Variants in CACNA2D3 observed in about 807,000 individuals in gnomAD.
CACNA2D3 encodes the protein voltage-dependent calcium channel subunit alpha-2/delta-3.
In CACNA2D3, 60 loss-of-function variants were observed where a neutral mutation model predicts 160.6. That is an observed-to-expected ratio of 0.37 (90% confidence interval 0.30 to 0.46). CACNA2D3 has a LOEUF of 0.46. Among genes scored for constraint, CACNA2D3 ranks in the 20% least tolerant of loss-of-function variants. The probability of loss-of-function intolerance (pLI) is 1.00; values close to 1 mark genes in which losing one functional copy is unlikely to be tolerated. For synonymous variants in CACNA2D3, 558 were observed against 492.9 expected (o/e 1.13, Z -1.75); for missense variants, 1,205 against 1,365.0 (o/e 0.88, Z 1.85).
chr3:54,573,596 C>T (rs1702534000), intron 8 of CACNA2D3, among the ~76,000 whole-genome samples: 1 of 152,178 alleles, frequency 6.6e-6, no homozygotes, highest in Non-Finnish European at 1.5e-5. Flanking sequence ...GCGTACAGTG[C>T]ACTGAATGGA....
chr3:54,360,020 G>A (rs1035838720), intron 3 of CACNA2D3, among the ~76,000 whole-genome samples: 1 of 152,206 alleles, frequency 6.6e-6, no homozygotes, highest in Non-Finnish European at 1.5e-5. Context: ...TCATGAGGAT[G>A]CTGGGTGTGT....
chr3:54,909,440 C>T (rs943218604), intron 27 of CACNA2D3, among the ~76,000 whole-genome samples: 1 of 151,788 alleles, frequency 6.6e-6, no homozygotes, highest in Non-Finnish European at 1.5e-5. Context: ...ATATATGTGA[C>T]TCATGCTAAG....
chr3:54,245,559 T>G (rs944954976), intron 2 of CACNA2D3, among the ~76,000 whole-genome samples: 1 of 152,214 alleles, frequency 6.6e-6, no homozygotes, highest in Non-Finnish European at 1.5e-5. Context: ...GACTTGGCAC[T>G]GGCACTGAAA....
chr3:54,918,770 G>C (rs755787433), intron 27 of CACNA2D3: 1 of 1,614,152 alleles, frequency 6.2e-7, no homozygotes, highest in South Asian at 1.1e-5. Flanking sequence ...CACTGAGCCT[G>C]CGAGGACACT....
At chr3:54,842,864 G>A (rs1698850577) in intron 16 of CACNA2D3, among the ~76,000 whole-genome samples, 1 of 151,628 alleles carries the variant, frequency 6.6e-6, no homozygotes, top group Admixed American at 6.6e-5. Context: ...GCCTCCCAAA[G>A]TGCTGAGATT....
At position 54,822,819 on chromosome 3, in the gene CACNA2D3, C is replaced by CT. The variant is rs759713047; in HGVS notation, c.1398+5952dup. 9.9e-3 allele frequency among the ~76,000 whole-genome samples: 951 copies of CT among 95,902 alleles called. 35 individuals carry two copies. The highest frequency in any genetic ancestry group is 0.014 in the African/African-American group (267 of 19,248). The allele number at this position is 95,902 out of a possible 152,430, so 62.9% of individuals were successfully genotyped here. A position where few individuals can be genotyped will look rare whatever the true frequency, so the allele number is the denominator to read the frequency against. Reference sequence around the variant, plus strand: ...TCTTTCTTTCTTTCTTTCTTTCTTTCTTTCTTTCTTTCTTTTCTTTCTTTC... The same window carrying CT: ...TCTTTCTTTCTTTCTTTCTTTCTTTCTTTTCTTTCTTTCTTTTCTTTCTTTC... On this transcript the variant is annotated intron_variant, in intron 14 of 37. Coordinates refer to ENST00000474759, the MANE Select transcript of CACNA2D3 (RefSeq NM_018398.3).
chr3:54,508,338 A>G (rs1701405275), intron 5 of CACNA2D3, among the ~76,000 whole-genome samples: 1 of 152,148 alleles, frequency 6.6e-6, no homozygotes, highest in Admixed American at 6.5e-5. Context: ...GAAGAGGGAG[A>G]GGGAGGAGGT....
At chr3:54,155,869 C>T (rs548179093) in intron 2 of CACNA2D3, among the ~76,000 whole-genome samples, 2 of 152,232 alleles carry the variant, frequency 1.3e-5, no homozygotes, top group East Asian at 1.9e-4. Context: ...TTGTTTGTTT[C>T]GGAAAGGGAT....
chr3:54,374,812 T>G (rs1698982307), intron 3 of CACNA2D3, among the ~76,000 whole-genome samples: 1 of 152,180 alleles, frequency 6.6e-6, no homozygotes, highest in Non-Finnish European at 1.5e-5. Context: ...CTAAATAACT[T>G]TCAGATGTTT....
intron 2 of CACNA2D3, among the ~76,000 whole-genome samples, chr3:54,143,483 A>G (rs528694254): frequency 2.0e-5 from 3 of 152,264 alleles, no homozygotes; most frequent in South Asian, 2.1e-4. Context: ...TGGCCTTGTC[A>G]TTGTTAATTT....
chr3:54,899,729 T>C, intron 26 of CACNA2D3, 59 bp from the exon 27 acceptor site: 1 of 1,238,072 alleles, frequency 8.1e-7, no homozygotes, highest in South Asian at 1.3e-5. Context: ...ATGATTACTC[T>C]CTTAACGTGT....
chr3:54,939,798 T>C (rs773968001), intron 27 of CACNA2D3, among the ~76,000 whole-genome samples: 2 of 152,234 alleles, frequency 1.3e-5, no homozygotes, highest in Non-Finnish European at 2.9e-5. Flanking sequence ...CATGGCATTT[T>C]GTGGGCCTGC....
At chr3:54,160,861 C>G (rs1269549041) in intron 2 of CACNA2D3, among the ~76,000 whole-genome samples, 1 of 152,104 alleles carries the variant, frequency 6.6e-6, no homozygotes, top group Non-Finnish European at 1.5e-5. Flanking sequence ...TCATTGAGAT[C>G]AGTATTTTTA....
chr3:55,022,208 T>C (rs1193811560), intron 35 of CACNA2D3, among the ~76,000 whole-genome samples: 1 of 152,100 alleles, frequency 6.6e-6, no homozygotes, highest in African/African-American at 2.4e-5. Flanking sequence ...GTTATCACTA[T>C]GTAATAACCC....
intron 9 of CACNA2D3, among the ~76,000 whole-genome samples, chr3:54,583,980 T>A (rs1702719397): frequency 6.6e-6 from 1 of 151,736 alleles, no homozygotes; most frequent in Admixed American, 6.6e-5. Context: ...GTGACAACAC[T>A]TTTTCTACTC....
intron 9 of CACNA2D3, among the ~76,000 whole-genome samples, chr3:54,609,793 G>GGA (rs1325308419): frequency 1.3e-5 from 2 of 152,166 alleles, no homozygotes; most frequent in African/African-American, 4.8e-5. Flanking sequence ...GCATTTTCTA[G>GGA]GAACACCATT....
chr3:54,645,210 G>T (rs1197468883), intron 11 of CACNA2D3, among the ~76,000 whole-genome samples: 1 of 152,136 alleles, frequency 6.6e-6, no homozygotes, highest in African/African-American at 2.4e-5. Flanking sequence ...GAAGGGGAAA[G>T]AGCCTCTTAT....
chr3:54,926,963 CT>C (rs369275911), intron 27 of CACNA2D3, among the ~76,000 whole-genome samples: 4 of 151,652 alleles, frequency 2.6e-5, no homozygotes, highest in South Asian at 2.1e-4. Flanking sequence ...ACACTCCCTT[CT>C]TTTTTTTTGA....
At chr3:54,278,166 A>G (rs1434141924) in intron 2 of CACNA2D3, among the ~76,000 whole-genome samples, 6 of 152,232 alleles carry the variant, frequency 3.9e-5, no homozygotes, top group African/African-American at 1.4e-4. Context: ...AACCCCATCA[A>G]AAAGTGGGCA....
Sources: allele counts gnomAD v4.1 joint callset (sites outside exome capture counted in the v4.1 genomes callset), GRCh38; gene constraint gnomAD v4.1.1; transcripts MANE v1.5; gene names NCBI Gene and HGNC (gene_info 2026-07-23, HGNC 2026-07-21).